The following CACNA1D variants were observed in gnomAD, a reference collection of about 807,000 sequenced individuals.
The protein encoded by CACNA1D is calcium voltage-gated channel subunit alpha1 D.
CACNA1D carries 55 observed loss-of-function variants against 257.1 expected under a neutral mutation model. The ratio of observed to expected loss-of-function variants is 0.21; its 90% CI spans 0.17 to 0.27. The LOEUF is 0.27. CACNA1D is among the 10% of genes least tolerant of loss of function. The pLI is 1.00. For synonymous variants in CACNA1D, 980 were observed against 1,014.9 expected, an observed-to-expected ratio of 0.97 and a Z score of 0.65; for missense variants, 1,876 against 2,784.0, an observed-to-expected ratio of 0.67 and a Z score of 7.34.
At chr3:53,526,392 C>T (rs1401407703) in intron 3 of CACNA1D, among the ~76,000 whole-genome samples, 1 of 152,218 alleles carries the variant, frequency 6.6e-6, no homozygotes, top group Non-Finnish European at 1.5e-5. Flanking sequence ...AGCCTTAAGT[C>T]AGAATTTATT....
At chr3:53,559,328 T>G (rs1019666302) in intron 3 of CACNA1D, among the ~76,000 whole-genome samples, 3 of 152,214 alleles carry the variant, frequency 2.0e-5, no homozygotes, top group Non-Finnish European at 2.9e-5. Context: ...ATCTTGGGGT[T>G]GGTGTCTTTT....
intron 9 of CACNA1D, among the ~76,000 whole-genome samples, chr3:53,704,710 G>A (rs2094667751): frequency 6.6e-6 from 1 of 152,176 alleles, no homozygotes; most frequent in Non-Finnish European, 1.5e-5. Flanking sequence ...ATGCTGACCT[G>A]CCCCATCTCC....
chr3:53,665,637 T>G (rs1173299475), intron 5 of CACNA1D, 23 bp from the exon 6 acceptor site: 9 of 1,608,044 alleles, frequency 5.6e-6, no homozygotes, highest in Non-Finnish European at 7.7e-6. Context: ...GCTCACAAAC[T>G]TATTTTTTTT....
At chr3:53,501,162 C>A (rs1181464708) in intron 2 of CACNA1D, among the ~76,000 whole-genome samples, 2 of 152,206 alleles carry the variant, frequency 1.3e-5, no homozygotes, top group Non-Finnish European at 2.9e-5. Context: ...CCAAGAATAG[C>A]CCCTGAGAAA....
At chr3:53,805,457 G>A (rs571280158) in intron 45 of CACNA1D, among the ~76,000 whole-genome samples, 60 of 152,276 alleles carry the variant, frequency 3.9e-4, no homozygotes, top group African/African-American at 1.4e-3. Flanking sequence ...TTTGAACCTG[G>A]GACCATCCTG....
chr3:53,525,693 C>T (rs548942678), intron 3 of CACNA1D, among the ~76,000 whole-genome samples: 1 of 152,170 alleles, frequency 6.6e-6, no homozygotes, highest in Admixed American at 6.5e-5. Flanking sequence ...AGGATCAGCC[C>T]AATTCTCTGA....
At chr3:53,689,802 G>C (rs1198478795) in intron 8 of CACNA1D, among the ~76,000 whole-genome samples, 1 of 152,078 alleles carries the variant, frequency 6.6e-6, no homozygotes, top group Non-Finnish European at 1.5e-5. Context: ...GGGACTACAG[G>C]CATATGCCAC....
chr3:53,623,227 T>A (rs1284810307), intron 3 of CACNA1D, among the ~76,000 whole-genome samples: 1 of 152,200 alleles, frequency 6.6e-6, no homozygotes, highest in Non-Finnish European at 1.5e-5. Flanking sequence ...GTATCAAAAC[T>A]CACTAAATGC....
At chr3:53,620,357 C>T (rs983086801) in intron 3 of CACNA1D, among the ~76,000 whole-genome samples, 1 of 152,206 alleles carries the variant, frequency 6.6e-6, no homozygotes, top group South Asian at 2.1e-4. Context: ...GTGGTGTGAT[C>T]ATAGCTTATT....
At chr3:53,720,806 A>G (rs573815369) in intron 11 of CACNA1D, among the ~76,000 whole-genome samples, 3 of 152,360 alleles carry the variant, frequency 2.0e-5, no homozygotes, top group East Asian at 1.9e-4. Context: ...GGACATGTCA[A>G]ATGACACAGC....
At chr3:53,783,702 A>G (rs1032376368) in intron 39 of CACNA1D, among the ~76,000 whole-genome samples, 14 of 152,340 alleles carry the variant, frequency 9.2e-5, no homozygotes, top group African/African-American at 3.4e-4. Flanking sequence ...ACTCTGGAAG[A>G]GTTGCCGGAC....
intron 3 of CACNA1D, among the ~76,000 whole-genome samples, chr3:53,598,897 G>A (rs1051444598): frequency 2.0e-5 from 3 of 152,186 alleles, no homozygotes; most frequent in Admixed American, 1.3e-4. Context: ...TCTGAGTTGG[G>A]ACAGCTGAGA....
intron 3 of CACNA1D, among the ~76,000 whole-genome samples, chr3:53,574,946 C>T (rs766486603): frequency 7.2e-5 from 11 of 152,218 alleles, no homozygotes; most frequent in Non-Finnish European, 1.3e-4. Flanking sequence ...TCCTCGATGA[C>T]GTTGCAATGG....
At chr3:53,783,961 T>G (rs979453531) in intron 39 of CACNA1D, among the ~76,000 whole-genome samples, 1 of 152,056 alleles carries the variant, frequency 6.6e-6, no homozygotes, top group Admixed American at 6.6e-5. Context: ...AGATGTGGGG[T>G]GCTCAGGAAG....
At position 53,650,817 on chromosome 3, in the gene CACNA1D, C is replaced by A. The variant is rs773161211; in HGVS notation, c.522C>A (p.Val174=). Residue 174 remains valine, a synonymous_variant, in exon 4 of 48, where the codon GTC becomes GTA. Coordinates refer to ENST00000350061, the MANE Select transcript of CACNA1D (RefSeq NM_001128840.3). ...ATGCCTTCCTGATTATTTTTACAGTCGAGACATTTTTGAAGATTATAGCGT... is the reference window on the plus strand; with the variant it reads ...ATGCCTTCCTGATTATTTTTACAGTAGAGACATTTTTGAAGATTATAGCGT... The part of the protein sequence containing the change: ...VEYAFLIIFT[V]ETFLKIIAYG... The A allele has an allele frequency of 1.9e-6, 3 of 1,613,488 alleles. No individual in the cohort carries two copies. Among genetic ancestry groups the A allele is most frequent in the Admixed American group, 3.3e-5 (2 of 60,006 alleles).
At chr3:53,720,627 T>C (rs930478202) in intron 11 of CACNA1D, among the ~76,000 whole-genome samples, 2 of 152,212 alleles carry the variant, frequency 1.3e-5, no homozygotes, top group Non-Finnish European at 2.9e-5. Flanking sequence ...AGAAGAGATG[T>C]GGATGGCAGA....
chr3:53,715,356 G>A (rs1304683083), intron 9 of CACNA1D, among the ~76,000 whole-genome samples: 1 of 152,132 alleles, frequency 6.6e-6, no homozygotes, highest in Non-Finnish European at 1.5e-5. Flanking sequence ...TATGCCTACA[G>A]TAGGCAAAGT....
chr3:53,691,841 C>A (rs1246167821), intron 8 of CACNA1D, among the ~76,000 whole-genome samples: 2 of 87,704 alleles, frequency 2.3e-5, no homozygotes, highest in African/African-American at 4.3e-5. Context: ...ATATATATTA[C>A]ATATATAATA....
chr3:53,563,259 C>T (rs2092772394), intron 3 of CACNA1D, among the ~76,000 whole-genome samples: 2 of 152,050 alleles, frequency 1.3e-5, no homozygotes. Flanking sequence ...CACGGTGGCT[C>T]ACACCCGTAA....
Sources: allele counts gnomAD v4.1 joint callset (sites outside exome capture counted in the v4.1 genomes callset), GRCh38; gene constraint gnomAD v4.1.1; transcripts MANE v1.5; gene names NCBI Gene and HGNC (gene_info 2026-07-23, HGNC 2026-07-21).